Variants in LGSN observed in about 807,000 individuals in gnomAD.
The protein encoded by LGSN is lengsin, lens protein with glutamine synthetase domain.
A neutral mutation model predicts 19.5 loss-of-function variants in LGSN; 21 were observed. The ratio of observed to expected loss-of-function variants is 1.07; its 90% CI spans 0.76 to 1.55. The LOEUF is 1.55. Among genes scored for constraint, LGSN ranks in the 40% most tolerant of loss-of-function variants. The pLI, the probability that LGSN is intolerant of heterozygous loss-of-function variation, is 0.00. For missense variants in LGSN, 673 were observed against 608.5 expected (o/e 1.11, Z -1.12); for synonymous variants, 257 against 215.6 (o/e 1.19, Z -1.68).
the LGSN span, chr6:63,441,670 G>A: frequency 2.1e-6 from 1 of 472,454 alleles, no homozygotes; most frequent in South Asian, 1.7e-5. Flanking sequence ...AGAGAAAGGA[G>A]TATGATGCCC....
the LGSN span, among the ~76,000 whole-genome samples, chr6:63,555,417 C>G: frequency 6.6e-6 from 1 of 152,146 alleles, no homozygotes; most frequent in Non-Finnish European, 1.5e-5. Flanking sequence ...TTGCTGATGG[C>G]CAAAAAGTAT....
chr6:63,298,766 C>T (rs1768079390), intron 1 of LGSN, among the ~76,000 whole-genome samples: 1 of 152,096 alleles, frequency 6.6e-6, no homozygotes, highest in African/African-American at 2.4e-5. Context: ...ACACCAACAC[C>T]ACACTTTAAG....
chr6:63,398,487 T>C, the LGSN span, among the ~76,000 whole-genome samples: 1 of 152,072 alleles, frequency 6.6e-6, no homozygotes. Flanking sequence ...AAAATGCTTT[T>C]AGAATAAGGA....
At chr6:63,407,329 C>A in the LGSN span, among the ~76,000 whole-genome samples, 2 of 152,040 alleles carry the variant, frequency 1.3e-5, no homozygotes, top group African/African-American at 4.8e-5. Flanking sequence ...AGCTTATCCA[C>A]CATGATCAAG....
At chr6:63,506,729 T>C in the LGSN span, among the ~76,000 whole-genome samples, 23 of 152,202 alleles carry the variant, frequency 1.5e-4, no homozygotes, top group African/African-American at 5.3e-4. Flanking sequence ...CAAGCTTCTC[T>C]TCATTTTCTT....
At chr6:63,515,870 C>A in the LGSN span, among the ~76,000 whole-genome samples, 1 of 152,098 alleles carries the variant, frequency 6.6e-6, no homozygotes, top group African/African-American at 2.4e-5. Context: ...GATTTTTACA[C>A]AAGTAAGATA....
At chr6:63,382,649 G>A in the LGSN span, among the ~76,000 whole-genome samples, 1 of 152,116 alleles carries the variant, frequency 6.6e-6, no homozygotes, top group Admixed American at 6.5e-5. Flanking sequence ...TATGTGCCTG[G>A]GTGATTGAGG....
chr6:63,498,794 GA>G, the LGSN span, among the ~76,000 whole-genome samples: 1 of 152,034 alleles, frequency 6.6e-6, no homozygotes, highest in African/African-American at 2.4e-5. Context: ...AACTTTATGG[GA>G]AACTCTTCCC....
the LGSN span, among the ~76,000 whole-genome samples, chr6:63,551,744 T>A: frequency 6.8e-6 from 1 of 147,060 alleles, no homozygotes; most frequent in Non-Finnish European, 1.5e-5. Flanking sequence ...TGTCCATGTG[T>A]TCTCATTGTT....
At chr6:63,315,138 A>T (rs1313333717) in intron 1 of LGSN, among the ~76,000 whole-genome samples, 7 of 152,222 alleles carry the variant, frequency 4.6e-5, no homozygotes, top group Non-Finnish European at 8.8e-5. Context: ...TGCCTAACAT[A>T]TTGCCTAGCA....
chr6:63,562,748 C>A, the LGSN span, among the ~76,000 whole-genome samples: 3 of 152,188 alleles, frequency 2.0e-5, no homozygotes, highest in South Asian at 6.2e-4. Context: ...AAATATACAA[C>A]TTTTAGGAGT....
chr6:63,458,275 C>G, the LGSN span, among the ~76,000 whole-genome samples: 1 of 152,104 alleles, frequency 6.6e-6, no homozygotes, highest in African/African-American at 2.4e-5. Flanking sequence ...CCATGTTAGT[C>G]AGGCTGGTCT....
At chr6:63,345,240 C>G in the LGSN span, among the ~76,000 whole-genome samples, 1 of 152,158 alleles carries the variant, frequency 6.6e-6, no homozygotes, top group African/African-American at 2.4e-5. Flanking sequence ...TTTGTTTCCT[C>G]TTTAACAGAT....
At chr6:63,471,734 A>T in the LGSN span, among the ~76,000 whole-genome samples, 1 of 152,068 alleles carries the variant, frequency 6.6e-6, no homozygotes, top group Non-Finnish European at 1.5e-5. Flanking sequence ...TACCTGCTAT[A>T]GATTGAATTA....
At chr6:63,549,256 G>C in the LGSN span, 1 of 748,492 alleles carries the variant, frequency 1.3e-6, no homozygotes, top group Admixed American at 1.7e-5. Flanking sequence ...TCCAGGGCCT[G>C]GGTGAACTGG....
the LGSN span, among the ~76,000 whole-genome samples, chr6:63,331,804 C>T: frequency 6.6e-6 from 1 of 152,082 alleles, no homozygotes; most frequent in African/African-American, 2.4e-5. Context: ...AAACCTGCAC[C>T]CTTGCCTGTC....
the LGSN span, among the ~76,000 whole-genome samples, chr6:63,569,170 T>C: frequency 6.6e-6 from 1 of 152,216 alleles, no homozygotes; most frequent in African/African-American, 2.4e-5. Flanking sequence ...CTTGTGAAGA[T>C]TTCTCTGTTC....
chr6:63,315,464 T>C (rs1001434390), intron 1 of LGSN, among the ~76,000 whole-genome samples: 1 of 152,128 alleles, frequency 6.6e-6, no homozygotes, highest in Non-Finnish European at 1.5e-5. Flanking sequence ...CTTTACTCTA[T>C]AAATTTTACC....
the LGSN span, among the ~76,000 whole-genome samples, chr6:63,351,505 C>T: frequency 6.6e-6 from 1 of 152,014 alleles, no homozygotes; most frequent in African/African-American, 2.4e-5. Context: ...GCCACCTAGG[C>T]TGGAGTGTAG....
Sources: gnomAD v4.1 joint callset for allele counts (sites outside exome capture counted in the v4.1 genomes callset) on GRCh38, gnomAD v4.1.1 for gene constraint, MANE v1.5 for transcripts, NCBI Gene and HGNC (gene_info 2026-07-23, HGNC 2026-07-21) for gene names.